FOXP2: variants seen among roughly 807,000 people sequenced by gnomAD.
FOXP2 encodes the protein forkhead box protein P2.
In FOXP2, 12 loss-of-function variants were observed where a neutral mutation model predicts 115.8. That is an observed-to-expected ratio of 0.10 (90% CI 0.07 to 0.17). The LOEUF (loss-of-function observed/expected upper bound fraction) is 0.17, where lower values mean the gene tolerates loss of function less well. FOXP2 is among the 10% of genes least tolerant of loss of function. FOXP2 has a pLI of 1.00. For missense variants in FOXP2, 629 were observed against 843.5 expected (o/e 0.75, Z 3.15); for synonymous variants, 328 against 297.7 (o/e 1.10, Z -1.05).
At chr7:114,185,973 G>A (rs1049384815) in intron 1 of FOXP2, among the ~76,000 whole-genome samples, 5 of 151,116 alleles carry the variant, frequency 3.3e-5, no homozygotes, top group Non-Finnish European at 4.4e-5. Flanking sequence ...ATGGCATCAC[G>A]TGGAAGAAGA....
rs1415451916 is a variant in FOXP2 at position 114,642,499 on chromosome 7, C to T, written c.865C>T (p.Leu289=). ...AGACAATGGCATTAAACATGGAGGGCTAGACCTCACTACTAACAATTCCTC... is the reference window on the plus strand; with the variant it reads ...AGACAATGGCATTAAACATGGAGGGTTAGACCTCACTACTAACAATTCCTC... ...MEDNGIKHGG[L]DLTTNNSSST... The change falls in exon 7 of 17, where the codon CTA becomes TTA. Residue 289 remains leucine, a synonymous_variant. Coordinates refer to ENST00000350908, the MANE Select transcript of FOXP2 (RefSeq NM_014491.4). 1.9e-6 allele frequency: 3 copies of T among 1,613,778 alleles called. No homozygotes were observed. In the African/African-American group the frequency reaches 4.0e-5, roughly 22 times the overall value.
At chr7:114,625,853 T>C (rs974649639) in intron 3 of FOXP2, among the ~76,000 whole-genome samples, 2 of 151,924 alleles carry the variant, frequency 1.3e-5, no homozygotes, top group Non-Finnish European at 3.0e-5. Flanking sequence ...ACTTTATTTG[T>C]AGTGTTAGAA....
intron 3 of FOXP2, among the ~76,000 whole-genome samples, chr7:114,546,155 C>T (rs1262308032): frequency 1.3e-5 from 2 of 152,164 alleles, no homozygotes; most frequent in African/African-American, 4.8e-5. Flanking sequence ...CACTTGCTTA[C>T]TGGGGCATCT....
At chr7:114,097,322 A>G (rs1799674244) in intron 1 of FOXP2, among the ~76,000 whole-genome samples, 1 of 152,130 alleles carries the variant, frequency 6.6e-6, no homozygotes, top group African/African-American at 2.4e-5. Flanking sequence ...GTAACCACTA[A>G]TCTGTTTTAT....
intron 2 of FOXP2, among the ~76,000 whole-genome samples, chr7:114,468,059 T>C (rs1795888110): frequency 6.6e-6 from 1 of 152,166 alleles, no homozygotes. Flanking sequence ...AACTTTTCTA[T>C]TTCCTAGCTG....
In FOXP2 at chr7:114,426,527, G is replaced by C; in HGVS notation, c.16G>C (p.Ala6Pro). The C allele has an allele frequency of 6.2e-7, 1 of 1,611,046 alleles. No individual in the cohort carries two copies. Among genetic ancestry groups the C allele is most frequent in the Non-Finnish European group, 8.5e-7 (1 of 1,178,010 alleles). ...GTATTAAGTCATGATGCAGGAATCTGCGACAGAGACAATAAGCAACAGTTC... is the reference window on the plus strand; with the variant it reads ...GTATTAAGTCATGATGCAGGAATCTCCGACAGAGACAATAAGCAACAGTTC... MMQES[A>P]TETISNSSMN... The change falls in exon 2 of 17, where the codon GCG becomes CCG. Residue 6 changes from alanine (A) to proline (P), a missense_variant. By Grantham distance (27) the Ala-to-Pro change is conservative. This residue lies in a region of FOXP2 where 91 missense variants were observed against 98.3 expected (regional missense o/e 0.93). Coordinates refer to ENST00000350908, the MANE Select transcript of FOXP2 (RefSeq NM_014491.4).
At chr7:114,405,094 G>C (rs767951810) in intron 2 of FOXP2, among the ~76,000 whole-genome samples, 3 of 151,824 alleles carry the variant, frequency 2.0e-5, no homozygotes, top group Non-Finnish European at 4.4e-5. Flanking sequence ...GGATGGATTC[G>C]ATCAAGTGAA....
At chr7:114,189,589 A>G (rs1476370300) in intron 1 of FOXP2, among the ~76,000 whole-genome samples, 16 of 152,190 alleles carry the variant, frequency 1.1e-4, no homozygotes, top group Admixed American at 1.0e-3. Context: ...TTAGTATCTT[A>G]AATGACAAGT....
At chr7:114,590,826 AAG>A (rs961770257) in intron 3 of FOXP2, among the ~76,000 whole-genome samples, 124 of 152,234 alleles carry the variant, frequency 8.1e-4, no homozygotes, top group East Asian at 2.3e-3. Flanking sequence ...CATCTGGACA[AAG>A]AGGGGAAAAA....
At chr7:114,451,334 A>C (rs983574779) in intron 2 of FOXP2, among the ~76,000 whole-genome samples, 1 of 152,018 alleles carries the variant, frequency 6.6e-6, no homozygotes, top group African/African-American at 2.4e-5. Flanking sequence ...TTTCGGTGTG[A>C]ATTTTGCTTT....
At chr7:114,231,888 G>C (rs900951556) in intron 1 of FOXP2, among the ~76,000 whole-genome samples, 1 of 152,124 alleles carries the variant, frequency 6.6e-6, no homozygotes, top group African/African-American at 2.4e-5. Flanking sequence ...AAACTAAAAA[G>C]TTTCAGTGCA....
intron 3 of FOXP2, among the ~76,000 whole-genome samples, chr7:114,575,137 C>T (rs1405511561): frequency 6.6e-6 from 1 of 151,844 alleles, no homozygotes; most frequent in African/African-American, 2.4e-5. Flanking sequence ...GCTCTACAAT[C>T]AGCTTTCTGG....
At chr7:114,384,764 C>CT (rs1792399936) in intron 2 of FOXP2, among the ~76,000 whole-genome samples, 1 of 151,478 alleles carries the variant, frequency 6.6e-6, no homozygotes, top group Non-Finnish European at 1.5e-5. Context: ...TAGAATAACT[C>CT]TGAACTGGTG....
intron 7 of FOXP2, among the ~76,000 whole-genome samples, chr7:114,643,907 C>G (rs1375596415): frequency 9.2e-5 from 14 of 152,020 alleles, no homozygotes; most frequent in Admixed American, 9.2e-4. Context: ...CAAATGTTTT[C>G]CAAAGAAACA....
intron 16 of FOXP2, chr7:114,669,542 G>A (rs551219010): frequency 2.6e-5 from 4 of 151,944 alleles, no homozygotes; most frequent in South Asian, 2.1e-4. Flanking sequence ...CCCTTTTTCA[G>A]AGTTATATAG....
At chr7:114,211,820 C>T (rs1371110463) in intron 1 of FOXP2, among the ~76,000 whole-genome samples, 2 of 152,128 alleles carry the variant, frequency 1.3e-5, no homozygotes, top group Non-Finnish European at 2.9e-5. Context: ...CGCCTGTAAT[C>T]CCAGCACTTT....
At chr7:114,189,075 A>G (rs771370048) in intron 1 of FOXP2, among the ~76,000 whole-genome samples, 8 of 152,178 alleles carry the variant, frequency 5.3e-5, no homozygotes, top group Non-Finnish European at 7.4e-5. Flanking sequence ...AGAAAATCAG[A>G]ATTTTAAAAA....
intron 2 of FOXP2, among the ~76,000 whole-genome samples, chr7:114,479,973 T>C (rs755683755): frequency 7.9e-5 from 12 of 151,398 alleles, no homozygotes; most frequent in Non-Finnish European, 1.5e-4. Flanking sequence ...TATATTCAGA[T>C]TGGAACCAAC....
At chr7:114,304,020 A>G (rs1375032308) in intron 2 of FOXP2, among the ~76,000 whole-genome samples, 1 of 152,174 alleles carries the variant, frequency 6.6e-6, no homozygotes, top group Non-Finnish European at 1.5e-5. Context: ...AAATGCAATT[A>G]TAATTAGATA....
Sources: allele counts gnomAD v4.1 joint callset (sites outside exome capture counted in the v4.1 genomes callset), GRCh38; gene constraint gnomAD v4.1.1; regional missense constraint gnomAD v4.1.1; transcripts MANE v1.5; gene names NCBI Gene and HGNC (gene_info 2026-07-23, HGNC 2026-07-21).